The following ERN1 variants were observed in gnomAD, a reference collection of about 807,000 sequenced individuals.
ERN1 encodes the protein endoplasmic reticulum to nucleus signaling 1, also known as serine/threonine-protein kinase/endoribonuclease IRE1.
Under a neutral mutation model 113.1 loss-of-function variants are expected in ERN1, and 39 were observed. The ratio of observed to expected loss-of-function variants is 0.34; its 90% CI spans 0.27 to 0.45. The LOEUF is 0.45. Ranked by LOEUF, ERN1 falls within the 20% of genes least tolerant of loss-of-function variation. ERN1 has a pLI of 1.00. For missense variants in ERN1, 976 were observed against 1,274.8 expected, an observed-to-expected ratio of 0.77 and a Z score of 3.57; for synonymous variants, 507 against 515.9, an observed-to-expected ratio of 0.98 and a Z score of 0.23.
chr17:64,068,427 G>C, intron 6 of ERN1, 136 bp from the exon 7 acceptor site: 1 of 647,340 alleles, frequency 1.5e-6, no homozygotes, highest in East Asian at 2.8e-5. Context: ...CATGTCGATA[G>C]AGAAAGGCAA....
chr17:64,102,610 A>G (rs1043360215), intron 1 of ERN1: 4 of 951,136 alleles, frequency 4.2e-6, no homozygotes, highest in Non-Finnish European at 5.0e-6. Flanking sequence ...TATAGCTAAC[A>G]TGAATTAAAC....
At chr17:64,084,353 C>T (rs1396659446) in intron 2 of ERN1, among the ~76,000 whole-genome samples, 1 of 152,128 alleles carries the variant, frequency 6.6e-6, no homozygotes, top group Non-Finnish European at 1.5e-5. Context: ...GTCCTGTTCC[C>T]ATTCCCTTCA....
At chr17:64,106,764 A>ACACACACACAC (rs1555618810) in intron 1 of ERN1, among the ~76,000 whole-genome samples, 72 of 115,098 alleles carry the variant, frequency 6.3e-4, no homozygotes, top group East Asian at 1.4e-3. Context: ...ACACACACAC[A>ACACACACACAC]AGCTCGCTGT....
Position 64,044,291 on chromosome 17 carries a change from G to A in ERN1, c.2722-91C>T, listed in dbSNP as rs1320941189. On this transcript the variant is annotated intron_variant, in intron 21 of 21. Transcript: ENST00000433197. This position sits in a 1 kb window ranked among gnomAD's most constrained non-coding sequence, Gnocchi z 4.1. The stretch of plus-strand genomic sequence containing the variant: ...ACACCCTTTCATCATGCAAGGAAGA[G>A]ACAGAATGTGAGTGTTGGTTTTTGG... 7.9e-6 allele frequency: 7 copies of A among 888,592 alleles called. No homozygotes were observed. The Admixed American group carries it at 1.3e-4, about 17-fold the overall frequency. The allele number at this position is 888,592 out of a possible 1,614,324, so 55.0% of individuals were successfully genotyped here. A position where few individuals can be genotyped will look rare whatever the true frequency, so the allele number is the denominator to read the frequency against.
intron 17 of ERN1, among the ~76,000 whole-genome samples, chr17:64,052,180 C>T (rs123206): frequency 0.94 from 143,657 of 152,266 alleles, 68,368 homozygotes; most frequent in East Asian, 1. Flanking sequence ...ATAGCGAGAT[C>T]GCACTTCTAA....
chr17:64,048,115 T>C, intron 18 of ERN1, 130 bp from the exon 19 acceptor site: 2 of 901,912 alleles, frequency 2.2e-6, no homozygotes, highest in Non-Finnish European at 1.6e-6. Context: ...AATAAAATAA[T>C]TAGGAACAGA....
intron 1 of ERN1, chr17:64,129,709 G>A (rs1915182628): frequency 5.3e-6 from 2 of 378,628 alleles, no homozygotes; most frequent in African/African-American, 2.1e-5. Context: ...GGTCCGGGGA[G>A]CCGCTGCCCG....
intron 1 of ERN1, among the ~76,000 whole-genome samples, chr17:64,125,527 T>G (rs1018385841): frequency 6.6e-6 from 1 of 152,204 alleles, no homozygotes; most frequent in Non-Finnish European, 1.5e-5. Flanking sequence ...CTCGCTCTGT[T>G]GCCAAGGCTG....
rs990581994 is a variant in ERN1 at position 64,040,988 on chromosome 17, A to G, written c.*3000T>C. Reference sequence around the variant, plus strand: ...GGGAAACCCCGTCTCTACTAAAAAAAATATAAAAAATTAGCCGAGCGTGGT... The same window carrying G: ...GGGAAACCCCGTCTCTACTAAAAAAGATATAAAAAATTAGCCGAGCGTGGT... On this transcript the variant is annotated 3_prime_UTR_variant, in exon 22 of 22. Coordinates refer to ENST00000433197, the MANE Select transcript of ERN1 (RefSeq NM_001433.5). 6.6e-6 allele frequency: 1 copy of G among 151,944 alleles called. No individual in the cohort carries two copies. The highest frequency in any genetic ancestry group is 2.4e-5 in the African/African-American group (1 of 41,394). The allele number at this position is 151,944 out of a possible 1,614,324, so 9.4% of individuals were successfully genotyped here.
At chr17:64,077,815 A>C (rs1229359486) in intron 4 of ERN1, among the ~76,000 whole-genome samples, 1 of 150,072 alleles carries the variant, frequency 6.7e-6, no homozygotes, top group Non-Finnish European at 1.5e-5. Flanking sequence ...GCGTGATCTC[A>C]GCTCACTGCA....
intron 1 of ERN1, among the ~76,000 whole-genome samples, chr17:64,125,975 A>G (rs185254647): frequency 1.1e-3 from 170 of 152,360 alleles, no homozygotes; most frequent in African/African-American, 3.9e-3. Flanking sequence ...GTACATGAGC[A>G]AAGATTATAA....
chr17:64,054,744 A>G lies in ERN1; in HGVS notation c.1757T>C (p.Val586Ala), dbSNP rs763698946. Residue 586 changes from valine to alanine, a missense_variant, in exon 14 of 22, where the codon GTG becomes GCG. By Grantham distance (64) the Val-to-Ala change is moderately conservative (BLOSUM62 0). This residue lies in a region of ERN1 where 297 missense variants were observed against 457.8 expected (regional missense o/e 0.65). Coordinates refer to ENST00000433197, the MANE Select transcript of ERN1 (RefSeq NM_001433.5). The surrounding 1 kb of genome is among the most constrained non-coding windows in gnomAD (Gnocchi z 4.9). ...GGCTGGCTAATCCACTCACCGGTACACAATTGTGCCCTCAGCTCCATGGCC... is the reference window on the plus strand; with the variant it reads ...GGCTGGCTAATCCACTCACCGGTACGCAATTGTGCCCTCAGCTCCATGGCC... ...VLGHGAEGTI[V>A]YRGMFDNRDV... is the part of the protein sequence containing the mutation. 12 of 1,606,330 alleles carry G rather than the reference A, an allele frequency of 7.5e-6. No homozygotes were observed. Among genetic ancestry groups the G allele is most frequent in the Non-Finnish European group, 1.0e-5 (12 of 1,176,862 alleles).
chr17:64,115,217 A>T (rs571346222), intron 1 of ERN1, among the ~76,000 whole-genome samples: 1 of 152,330 alleles, frequency 6.6e-6, no homozygotes, highest in East Asian at 1.9e-4. Flanking sequence ...TAGGCTGGCA[A>T]GGACTTCAGG....
chr17:64,081,482 A>G (rs1210417101), intron 2 of ERN1, among the ~76,000 whole-genome samples: 1 of 152,226 alleles, frequency 6.6e-6, no homozygotes, highest in East Asian at 1.9e-4. Context: ...CCACTTGGCA[A>G]AAAATTAAGG....
Position 64,063,830 on chromosome 17 carries a change from G to C in ERN1, c.1087+156C>G, listed in dbSNP as rs1159134140. On this transcript the variant is annotated intron_variant, in intron 10 of 21. Coordinates refer to ENST00000433197, the MANE Select transcript of ERN1 (RefSeq NM_001433.5). This position sits in a 1 kb window ranked among gnomAD's most constrained non-coding sequence, Gnocchi z 5.1. Reference sequence around the variant, plus strand: ...ACAGCTACCTTGTTGATTTTCCTTGGGGGTAAAAATGTCCCAAGGTCTCAG... The same window carrying C: ...ACAGCTACCTTGTTGATTTTCCTTGCGGGTAAAAATGTCCCAAGGTCTCAG... Among the ~76,000 whole-genome samples, 1 of 152,108 alleles carries C rather than the reference G, an allele frequency of 6.6e-6. No individual in the cohort carries two copies. The highest frequency in any genetic ancestry group is 1.5e-5 in the Non-Finnish European group (1 of 68,020).
intron 1 of ERN1, among the ~76,000 whole-genome samples, chr17:64,122,746 G>C (rs186015264): frequency 6.6e-6 from 1 of 152,178 alleles, no homozygotes; most frequent in Non-Finnish European, 1.5e-5. Context: ...GAAGGAATTG[G>C]AGAATGTTTT....
At chr17:64,058,886 C>T (rs3785561) in intron 11 of ERN1, among the ~76,000 whole-genome samples, 28,138 of 151,892 alleles carry the variant, frequency 0.19, 2,821 homozygotes, top group East Asian at 0.36. Flanking sequence ...GTGCCTCCCA[C>T]ATTTTTGGGG....
intron 1 of ERN1, 176 bp downstream of exon 1, chr17:64,129,800 C>T: frequency 2.0e-6 from 1 of 503,052 alleles, no homozygotes; most frequent in Non-Finnish European, 3.1e-6. Context: ...GAAGCTCTCC[C>T]GGCCCGGTGC....
intron 1 of ERN1, among the ~76,000 whole-genome samples, chr17:64,121,632 G>C (rs746557149): frequency 1.3e-5 from 2 of 152,194 alleles, no homozygotes; most frequent in Non-Finnish European, 2.9e-5. Flanking sequence ...TGGGATTACA[G>C]GTGCCCGCCA....
Sources: gnomAD v4.1 joint callset for allele counts (sites outside exome capture counted in the v4.1 genomes callset) on GRCh38, gnomAD v4.1.1 for gene constraint, gnomAD v4.1.1 regional missense constraint, Gnocchi (gnomAD v3.1) non-coding constraint, MANE v1.5 for transcripts, NCBI Gene and HGNC (gene_info 2026-07-23, HGNC 2026-07-21) for gene names.